BAZ2A: variants seen among roughly 807,000 people sequenced by gnomAD.
BAZ2A encodes the protein bromodomain adjacent to zinc finger domain 2A.
BAZ2A carries 34 observed loss-of-function variants against 199.9 expected under a neutral mutation model. The observed-to-expected ratio is 0.17, with a 90% CI of 0.13 to 0.23. The LOEUF (loss-of-function observed/expected upper bound fraction) is 0.23. BAZ2A is among the 10% of genes least tolerant of loss of function. BAZ2A has a pLI of 1.00. For missense variants in BAZ2A, 2,002 were observed against 2,391.1 expected (o/e 0.84, Z 3.39); for synonymous variants, 857 against 883.9 (o/e 0.97, Z 0.54).
intron 1 of BAZ2A, among the ~76,000 whole-genome samples, chr12:56,621,893 T>C (rs1950931310): frequency 6.6e-6 from 1 of 152,074 alleles, no homozygotes. Context: ...TCTCGCTATG[T>C]TGCCCATGAT....
In BAZ2A at chr12:56,605,771, T is replaced by A. The variant is rs201426506; in HGVS notation, c.2493+59A>T. The A allele has an allele frequency of 2.8e-3, 4,251 of 1,494,614 alleles. 95 individuals carry two copies. The East Asian group carries it at 0.039, about 14-fold the overall frequency. The allele number at this position is 1,494,614 out of a possible 1,614,324, so 92.6% of individuals were successfully genotyped here. A position where few individuals can be genotyped will look rare whatever the true frequency, so the allele number is the denominator to read the frequency against. Reference sequence around the variant, plus strand: ...CTCTCCCATTGCAGAAGTCCTTTTTTTTTTTTTAAAGGAAAGTCTTCCCAG... The same window carrying A: ...CTCTCCCATTGCAGAAGTCCTTTTTATTTTTTTAAAGGAAAGTCTTCCCAG... On this transcript the variant is annotated intron_variant, in intron 13 of 28. Transcript: ENST00000549884.
Position 56,606,652 on chromosome 12 carries a change from T to C in BAZ2A, c.2174A>G (p.Gln725Arg). ...MRQKVQRGEC[Q>R]TTIQGQARNK... ...CCTCACCTGCCCTTGGATAGTAGTCTGACACTCTCCCCGTTGAACCTTCTG... is the reference window on the plus strand; with the variant it reads ...CCTCACCTGCCCTTGGATAGTAGTCCGACACTCTCCCCGTTGAACCTTCTG... The change falls in exon 11 of 29, where the codon CAG (glutamine) becomes CGG (arginine). Residue 725 changes from glutamine to arginine, a missense_variant. By Grantham distance (43) the Gln-to-Arg change is conservative (BLOSUM62 1). Around this residue, in one of 6 missense-constraint regions of BAZ2A, gnomAD observed 1,081 missense variants for 1,274.7 expected, o/e 0.85. Transcript: ENST00000549884. 6.2e-7 allele frequency: 1 copy of C among 1,613,922 alleles called. No homozygotes were observed. The highest frequency in any genetic ancestry group is 8.5e-7 in the Non-Finnish European group (1 of 1,179,840).
At chr12:56,609,981 G>GA (rs761859935) in intron 9 of BAZ2A, 35 bp from the exon 10 acceptor site, 1 of 1,609,212 alleles carries the variant, frequency 6.2e-7, no homozygotes, top group East Asian at 2.2e-5. Context: ...CAGTAGTAAG[G>GA]AATCAGTGCA....
At chr12:56,601,487 G>A (rs1342700125) in intron 20 of BAZ2A, 59 bp downstream of exon 20, 1 of 1,594,826 alleles carries the variant, frequency 6.3e-7, no homozygotes, top group Non-Finnish European at 8.5e-7. Flanking sequence ...TCCACACCCA[G>A]GCAATGGTGC....
At chr12:56,600,895 G>A (rs989530465) in intron 22 of BAZ2A, 48 bp downstream of exon 22, 11 of 1,611,768 alleles carry the variant, frequency 6.8e-6, no homozygotes, top group Admixed American at 3.3e-5. Context: ...GCAGCTCAAT[G>A]CTTATCCTGG....
chr12:56,625,956 A>C (rs1320112810), intron 1 of BAZ2A, among the ~76,000 whole-genome samples: 1 of 151,804 alleles, frequency 6.6e-6, no homozygotes, highest in African/African-American at 2.4e-5. Flanking sequence ...ACAGTATTTT[A>C]GTCTGCAAAA....
In BAZ2A at chr12:56,601,067, A is replaced by T; in HGVS notation, c.4326T>A (p.Asp1442Glu). 3 of 1,612,094 alleles carry T rather than the reference A, an allele frequency of 1.9e-6. No individual in the cohort carries two copies. Among genetic ancestry groups the T allele is most frequent in the Non-Finnish European group, 2.5e-6 (3 of 1,179,058 alleles). ...TGAGCATGGCATCCAACATCTCAGGATCTCGTATCCACCACCAGCCTGAGC... is the reference window on the plus strand; with the variant it reads ...TGAGCATGGCATCCAACATCTCAGGTTCTCGTATCCACCACCAGCCTGAGC... ...EMCSGWWWIR[D>E]PEMLDAMLKA... is the part of the protein sequence containing the mutation. The change falls in exon 22 of 29, where the codon GAT (aspartate) becomes GAA (glutamate). Residue 1442 changes from aspartate (D) to glutamate (E), a missense_variant. Asp to Glu is a conservative substitution (Grantham distance 45). Transcript: ENST00000549884.
At chr12:56,615,645 G>T (rs1227577242) in intron 2 of BAZ2A, 38 bp from the exon 3 acceptor site, 1 of 1,448,496 alleles carries the variant, frequency 6.9e-7, no homozygotes, top group Admixed American at 2.4e-5. Context: ...TTACAGATAT[G>T]TAGGCAAGCA....
At chr12:56,624,294 A>G (rs1592618036) in intron 1 of BAZ2A, among the ~76,000 whole-genome samples, 1 of 152,276 alleles carries the variant, frequency 6.6e-6, no homozygotes, top group African/African-American at 2.4e-5. Context: ...CAGAACAAAG[A>G]TAATGAAAGA....
At chr12:56,623,228 T>A (rs1000014466) in intron 1 of BAZ2A, among the ~76,000 whole-genome samples, 1 of 148,960 alleles carries the variant, frequency 6.7e-6, no homozygotes, top group Non-Finnish European at 1.5e-5. Context: ...AGAGCGAGAC[T>A]CCATCTCAAA....
intron 10 of BAZ2A, among the ~76,000 whole-genome samples, chr12:56,608,028 C>A (rs1212902540): frequency 6.7e-6 from 1 of 150,220 alleles, no homozygotes; most frequent in African/African-American, 2.5e-5. Context: ...GAGCCAAGAT[C>A]GCGCCATTGC....
intron 2 of BAZ2A, 72 bp downstream of exon 2, chr12:56,617,323 T>G: frequency 7.4e-7 from 1 of 1,348,618 alleles, no homozygotes; most frequent in Non-Finnish European, 9.7e-7. Flanking sequence ...TAGAGCAAAA[T>G]ATCCCCCCAT....
At chr12:56,635,021 T>C (rs1951414377), upstream of BAZ2A, 5 of 983,284 alleles carry the variant, frequency 5.1e-6, no homozygotes, top group Non-Finnish European at 6.0e-6. This position sits in a 1 kb window ranked among gnomAD's most constrained non-coding sequence, Gnocchi z 4.1. Flanking sequence ...CGGCTGCGCC[T>C]CCTCCCCCAG....
Position 56,605,832 on chromosome 12 carries a change from G to T in BAZ2A, c.2491C>A (p.Gln831Lys), listed in dbSNP as rs766816265. 3 of 1,608,242 alleles carry T rather than the reference G, an allele frequency of 1.9e-6. No homozygotes were observed. Among genetic ancestry groups the T allele is most frequent in the Non-Finnish European group, 2.5e-6 (3 of 1,177,406 alleles). The change falls in exon 13 of 29, where the codon CAG becomes AAG. Residue 831 changes from glutamine (Q) to lysine (K), a missense_variant and splice_region_variant. Physicochemically the swap from Gln to Lys is moderately conservative, Grantham distance 53 (BLOSUM62 1). Coordinates refer to ENST00000549884, the MANE Select transcript of BAZ2A (RefSeq NM_001300905.2). ...PTEDMCLTDH[Q>K]PLPDFSRVPG... is the part of the protein sequence containing the mutation. ...AACTGTTACTCTCTCCTCACTACCT[G>T]GTGGTCAGTCAGACACATATCCTCT...
intron 1 of BAZ2A, among the ~76,000 whole-genome samples, chr12:56,620,716 C>T (rs371751685): frequency 6.6e-6 from 1 of 152,000 alleles, no homozygotes; most frequent in African/African-American, 2.4e-5. Context: ...CCCGCCAACA[C>T]GCCCAGATAA....
chr12:56,627,689 G>C (rs1488751526), intron 1 of BAZ2A, among the ~76,000 whole-genome samples: 4 of 151,360 alleles, frequency 2.6e-5, no homozygotes, highest in African/African-American at 9.7e-5. Context: ...AGCTGGATGT[G>C]GTGGTGCGTG....
At chr12:56,606,181 A>C (rs1592571641) in intron 12 of BAZ2A, 66 bp downstream of exon 12, 2 of 1,604,288 alleles carry the variant, frequency 1.2e-6, no homozygotes, top group East Asian at 4.5e-5. Context: ...AGACTGATGT[A>C]CATGTCCTGC....
rs778989243 is a variant in BAZ2A, at chr12:56,605,098, T to A, written c.2723A>T (p.Asp908Val). 1.9e-6 allele frequency: 3 copies of A among 1,610,994 alleles called. No homozygotes were observed. The highest frequency in any genetic ancestry group is 2.5e-6 in the Non-Finnish European group (3 of 1,177,836). ...CTGACAGTAGGAGGGAAAGCCAGGA[T>A]CATGGAGTGCAGCCTTCAGCAGCCT... ...LVRLLKAALH[D>V]PGFPSYCQSL... The change falls in exon 14 of 29, where the codon GAT becomes GTT. Residue 908 changes from aspartate to valine, a missense_variant. By Grantham distance (152) the Asp-to-Val change is radical. Transcript: ENST00000549884.
Position 56,623,232 on chromosome 12 carries a change from T to C in BAZ2A, c.-2-5700A>G, listed in dbSNP as rs1340453060. ...GTCTGGGCGACAGAGCGAGACTCCA[T>C]CTCAAAAAAAAAAAAGAAAAAGGCT... is the stretch of plus-strand genomic sequence containing the variant. On this transcript the variant is annotated intron_variant, in intron 1 of 28. Coordinates refer to ENST00000549884, the MANE Select transcript of BAZ2A (RefSeq NM_001300905.2). Among the ~76,000 whole-genome samples the C allele has an allele frequency of 2.0e-5, 3 of 149,064 alleles. No individual in the cohort carries two copies. In the East Asian group the frequency reaches 5.9e-4, roughly 29 times the overall value.
Sources: allele counts gnomAD v4.1 joint callset (sites outside exome capture counted in the v4.1 genomes callset), GRCh38; gene constraint gnomAD v4.1.1; regional missense constraint gnomAD v4.1.1; non-coding constraint Gnocchi (gnomAD v3.1); transcripts MANE v1.5; gene names NCBI Gene and HGNC (gene_info 2026-07-23, HGNC 2026-07-21).